Variants in TDP1 observed in about 807,000 individuals in gnomAD.
The protein encoded by TDP1 is tyrosyl-DNA phosphodiesterase 1, also known as tyr-DNA phosphodiesterase 1.
A neutral mutation model predicts 81.5 loss-of-function variants in TDP1; 64 were observed. That is an observed-to-expected ratio of 0.79 (90% confidence interval 0.64 to 0.97). TDP1 has a LOEUF of 0.97. Ranked by LOEUF, TDP1 falls within the 50% of genes least tolerant of loss-of-function variation. The pLI, the probability that TDP1 is intolerant of heterozygous loss-of-function variation, is 0.00. For synonymous variants in TDP1, 256 were observed against 264.3 expected, an observed-to-expected ratio of 0.97 and a Z score of 0.30; for missense variants, 723 against 743.8, an observed-to-expected ratio of 0.97 and a Z score of 0.33.
intron 14 of TDP1, among the ~76,000 whole-genome samples, chr14:90,004,358 A>T (rs879714556): frequency 6.6e-5 from 10 of 152,194 alleles, no homozygotes; most frequent in Admixed American, 6.5e-4. Flanking sequence ...CCCACCAGGG[A>T]CTGGCCTCCA....
chr14:90,018,769 A>T, intron 14 of TDP1: 1 of 164,176 alleles, frequency 6.1e-6, no homozygotes. Flanking sequence ...TTTAGCCACA[A>T]CTCTTTGAAC....
chr14:90,019,479 C>A, intron 15 of TDP1, 61 bp downstream of exon 15: 1 of 936,272 alleles, frequency 1.1e-6, no homozygotes, highest in South Asian at 1.3e-5. Flanking sequence ...GCTTTGTGTT[C>A]TCTTCCTTTA....
intron 8 of TDP1, chr14:89,983,221 G>T: frequency 2.2e-6 from 1 of 444,904 alleles, no homozygotes; most frequent in Admixed American, 2.5e-5. Flanking sequence ...GCCCAACCTG[G>T]TCATTTTACA....
rs1258696614 is a variant in TDP1, at chr14:90,044,209, A to G, written c.*1066A>G. On this transcript the variant is annotated 3_prime_UTR_variant, in exon 17 of 17. Transcript: ENST00000335725. The stretch of plus-strand genomic sequence containing the variant: ...CAGAAACTTTCAGAGGAAGCAGCTC[A>G]TAGAAACATACAAAAGCACACAAGT... The G allele has an allele frequency of 6.6e-6, 1 of 152,258 alleles. No individual in the cohort carries two copies. Among genetic ancestry groups the G allele is most frequent in the Non-Finnish European group, 1.5e-5 (1 of 68,056 alleles). 9.4% of individuals were successfully genotyped at this position (152,258 alleles called of 1,614,324 possible). A position where few individuals can be genotyped will look rare whatever the true frequency, so the allele number is the denominator to read the frequency against.
At chr14:90,003,449 C>G (rs143508386) in intron 14 of TDP1, among the ~76,000 whole-genome samples, 1 of 152,300 alleles carries the variant, frequency 6.6e-6, no homozygotes, top group East Asian at 1.9e-4. Flanking sequence ...CTGTTTTGAT[C>G]CTACCGTAAA....
intron 16 of TDP1, among the ~76,000 whole-genome samples, chr14:90,037,407 T>G (rs1023363398): frequency 6.6e-6 from 1 of 152,214 alleles, no homozygotes; most frequent in South Asian, 2.1e-4. Flanking sequence ...AAGAAGTAAC[T>G]GAACATGCAA....
At chr14:90,042,792 C>A in intron 16 of TDP1, 1 of 847,306 alleles carries the variant, frequency 1.2e-6, no homozygotes, top group African/African-American at 1.8e-5. Flanking sequence ...CAAGTCCCTC[C>A]CACGATATGT....
chr14:89,993,754 G>A (rs1403922168), intron 14 of TDP1, among the ~76,000 whole-genome samples: 2 of 152,140 alleles, frequency 1.3e-5, no homozygotes, highest in Admixed American at 6.5e-5. Context: ...CTCAATAGGG[G>A]TTATGCAAAT....
chr14:90,032,937 G>GT (rs1797198533), intron 15 of TDP1, 169 bp from the exon 16 acceptor site: 2 of 844,532 alleles, frequency 2.4e-6, no homozygotes, highest in South Asian at 5.5e-5. Flanking sequence ...ATAATTTGGG[G>GT]CGGGGGGGTT....
At chr14:90,022,825 T>G in intron 15 of TDP1, 2 of 936,910 alleles carry the variant, frequency 2.1e-6, no homozygotes, top group Non-Finnish European at 2.5e-6. Context: ...ATTTGTGCCA[T>G]GAGGTAGTTT....
chr14:90,036,810 G>A (rs1298391680), intron 16 of TDP1, among the ~76,000 whole-genome samples: 16 of 70,826 alleles, frequency 2.3e-4, no homozygotes, highest in East Asian at 4.2e-4. Context: ...CCCCTCCCCC[G>A]CCCCTTAAAA....
At chr14:90,040,997 G>A (rs1024055798) in intron 16 of TDP1, among the ~76,000 whole-genome samples, 3 of 152,212 alleles carry the variant, frequency 2.0e-5, no homozygotes, top group Non-Finnish European at 4.4e-5. Flanking sequence ...AATTTTGAGG[G>A]AGAGGAGTAA....
Position 89,955,945 on chromosome 14 carries a change from G to A in TDP1, c.-256G>A, listed in dbSNP as rs1225505885. 1 of 152,340 alleles carries A rather than the reference G, an allele frequency of 6.6e-6. No individual in the cohort carries two copies. Among genetic ancestry groups the A allele is most frequent in the Non-Finnish European group, 1.5e-5 (1 of 68,144 alleles). 9.4% of individuals were successfully genotyped at this position (152,340 alleles called of 1,614,324 possible). A position where few individuals can be genotyped will look rare whatever the true frequency, so the allele number is the denominator to read the frequency against. On this transcript the variant is annotated 5_prime_UTR_variant, in exon 1 of 17. Transcript: ENST00000335725. ...GGCCGCCGAAGGGGCGGGATCCGAG[G>A]CAAGCGTTGGTTCTGTGCGCCTCAG...
intron 10 of TDP1, among the ~76,000 whole-genome samples, chr14:89,986,095 A>C (rs749873422): frequency 6.6e-6 from 1 of 152,262 alleles, no homozygotes; most frequent in Non-Finnish European, 1.5e-5. Context: ...TAAACTATTT[A>C]AAGTCTAAGA....
chr14:89,974,359 A>T (rs1262180430), intron 6 of TDP1, among the ~76,000 whole-genome samples: 1 of 152,220 alleles, frequency 6.6e-6, no homozygotes, highest in Non-Finnish European at 1.5e-5. Flanking sequence ...TTTCTCAGCT[A>T]AATATCAGTT....
At chr14:90,008,805 C>G (rs1884356157) in intron 14 of TDP1, among the ~76,000 whole-genome samples, 1 of 152,174 alleles carries the variant, frequency 6.6e-6, no homozygotes, top group East Asian at 1.9e-4. Flanking sequence ...AGCTCCTGGG[C>G]TCAAGCAATT....
At chr14:90,020,374 C>CCCTT (rs1188651056) in intron 15 of TDP1, among the ~76,000 whole-genome samples, 3,206 of 112,140 alleles carry the variant, frequency 0.029, 106 homozygotes, top group African/African-American at 0.12. Flanking sequence ...CTCCCTCCCT[C>CCCTT]CCTTCCTTCC....
intron 12 of TDP1, 29 bp downstream of exon 12, chr14:89,989,794 T>C (rs1037185366): frequency 6.4e-7 from 1 of 1,560,238 alleles, no homozygotes; most frequent in Admixed American, 1.7e-5. Flanking sequence ...GTCTTGATTG[T>C]GTTTTATGTA....
chr14:90,002,428 T>TA (rs1897264987), intron 14 of TDP1, among the ~76,000 whole-genome samples: 3 of 152,232 alleles, frequency 2.0e-5, no homozygotes, highest in Admixed American at 6.5e-5. Context: ...TGTTTCCTAT[T>TA]AAACAGTATG....
Sources: gnomAD v4.1 joint callset for allele counts (sites outside exome capture counted in the v4.1 genomes callset) on GRCh38, gnomAD v4.1.1 for gene constraint, MANE v1.5 for transcripts, NCBI Gene and HGNC (gene_info 2026-07-23, HGNC 2026-07-21) for gene names.